The following HDAC4 variants were observed in gnomAD, a reference collection of about 807,000 sequenced individuals.
HDAC4 encodes the protein histone deacetylase 4.
Under a neutral mutation model 135.1 loss-of-function variants are expected in HDAC4, and 16 were observed. The observed-to-expected ratio is 0.12, with a 90% CI of 0.08 to 0.18. The LOEUF (loss-of-function observed/expected upper bound fraction) is 0.18, where lower values mean the gene tolerates loss of function less well. Among genes scored for constraint, HDAC4 ranks in the 10% least tolerant of loss-of-function variants. The probability of loss-of-function intolerance (pLI) is 1.00; values close to 1 mark genes in which losing one functional copy is unlikely to be tolerated. For synonymous variants in HDAC4, 685 were observed against 653.4 expected (o/e 1.05, Z -0.74); for missense variants, 1,143 against 1,511.8 (o/e 0.76, Z 4.05).
intron 3 of HDAC4, among the ~76,000 whole-genome samples, chr2:239,227,665 G>T (rs947005721): frequency 6.6e-6 from 1 of 152,330 alleles, no homozygotes; most frequent in African/African-American, 2.4e-5. Context: ...GGCAGCCCTG[G>T]AGTTCCAGGA....
chr2:239,234,096 T>A (rs1435760925), intron 3 of HDAC4, among the ~76,000 whole-genome samples: 1 of 152,186 alleles, frequency 6.6e-6, no homozygotes, highest in Non-Finnish European at 1.5e-5. Flanking sequence ...TGGGTTGAAA[T>A]GACCAAAATG....
intron 4 of HDAC4, among the ~76,000 whole-genome samples, chr2:239,184,069 T>TTA (rs2044328931): frequency 1.4e-5 from 1 of 71,384 alleles, no homozygotes; most frequent in South Asian, 7.1e-4. Flanking sequence ...CTTGCTAGTG[T>TTA]AAAAAAAAAA....
chr2:239,366,692 T>C lies in HDAC4; in HGVS notation c.-219-13774A>G, dbSNP rs546198321. 2.4e-4 allele frequency among the ~76,000 whole-genome samples: 37 copies of C among 152,060 alleles called. 1 individual carries two copies. Among genetic ancestry groups the C allele is most frequent in the African/African-American group, 8.4e-4 (35 of 41,476 alleles). On this transcript the variant is annotated intron_variant, in intron 1 of 26. Transcript: ENST00000543185. ...GAAGGCCCAAGGATTTGACTTACGG[T>C]GTGAAACGCTGGGCTCAATGGATCA...
intron 17 of HDAC4, among the ~76,000 whole-genome samples, chr2:239,090,498 T>G (rs2036409570): frequency 6.6e-6 from 1 of 150,632 alleles, no homozygotes; most frequent in African/African-American, 2.4e-5. Context: ...GTATCTCTGA[T>G]CTGAGAATCT....
intron 3 of HDAC4, among the ~76,000 whole-genome samples, chr2:239,228,669 G>C (rs1013643738): frequency 1.3e-5 from 2 of 152,156 alleles, no homozygotes; most frequent in African/African-American, 4.8e-5. Flanking sequence ...GACTGGAGAA[G>C]GGGGCATGGG....
intron 24 of HDAC4, among the ~76,000 whole-genome samples, chr2:239,061,086 G>A (rs2032628223): frequency 6.6e-6 from 1 of 152,260 alleles, no homozygotes; most frequent in Non-Finnish European, 1.5e-5. Context: ...GCCACAATCG[G>A]CTGCATGCAG....
chr2:239,377,028 G>A (rs1240954072), intron 1 of HDAC4, among the ~76,000 whole-genome samples: 1 of 152,120 alleles, frequency 6.6e-6, no homozygotes, highest in Non-Finnish European at 1.5e-5. Context: ...GCCAGACACG[G>A]TCACTTGGAA....
At chr2:239,241,506 G>A (rs1038604751) in intron 2 of HDAC4, among the ~76,000 whole-genome samples, 1 of 152,128 alleles carries the variant, frequency 6.6e-6, no homozygotes, top group African/African-American at 2.4e-5. Flanking sequence ...TGATTCAGAG[G>A]AATTCTTTAC....
intron 1 of HDAC4, among the ~76,000 whole-genome samples, chr2:239,394,488 C>A (rs899193625): frequency 6.6e-6 from 1 of 152,254 alleles, no homozygotes; most frequent in Non-Finnish European, 1.5e-5. Flanking sequence ...GCTGCACACA[C>A]CTGCCTTGGC....
chr2:239,222,654 T>C (rs1431196929), intron 3 of HDAC4, among the ~76,000 whole-genome samples: 2 of 152,098 alleles, frequency 1.3e-5, no homozygotes, highest in African/African-American at 4.8e-5. Flanking sequence ...GAGATGCTGC[T>C]ACAATCACGT....
At chr2:239,360,154 T>C (rs905808866) in intron 1 of HDAC4, among the ~76,000 whole-genome samples, 2 of 152,186 alleles carry the variant, frequency 1.3e-5, no homozygotes, top group African/African-American at 2.4e-5. Flanking sequence ...CCTGATGGCC[T>C]GCGCTGAGCC....
intron 2 of HDAC4, among the ~76,000 whole-genome samples, chr2:239,333,184 A>G (rs1691701907): frequency 1.3e-5 from 2 of 152,234 alleles, no homozygotes; most frequent in Admixed American, 6.5e-5. Context: ...TCAGCAAACT[A>G]TGGCCCATGG....
At chr2:239,394,050 C>T (rs1240173254) in intron 1 of HDAC4, among the ~76,000 whole-genome samples, 5 of 143,556 alleles carry the variant, frequency 3.5e-5, no homozygotes, top group African/African-American at 7.6e-5. Context: ...AAAAAAGAAC[C>T]GCTCCAGCAA....
At chr2:239,058,378 T>A (rs1257808979) in intron 24 of HDAC4, among the ~76,000 whole-genome samples, 1 of 152,116 alleles carries the variant, frequency 6.6e-6, no homozygotes, top group Admixed American at 6.5e-5. Flanking sequence ...TAAGAAGGCA[T>A]CTGAAAAAAG....
intron 16 of HDAC4, among the ~76,000 whole-genome samples, chr2:239,100,830 C>T (rs1050595527): frequency 6.6e-6 from 1 of 152,118 alleles, no homozygotes; most frequent in African/African-American, 2.4e-5. Context: ...CATCCATGCC[C>T]TCATCTAGAG....
chr2:239,282,234 C>A (rs565813223), intron 2 of HDAC4, among the ~76,000 whole-genome samples: 1 of 130,186 alleles, frequency 7.7e-6, no homozygotes, highest in Admixed American at 7.3e-5. Flanking sequence ...AATGTACACA[C>A]CACTCTACAA....
rs1056636640 is a variant in HDAC4 at position 239,052,841 on chromosome 2, G to C, written c.*256C>G. On this transcript the variant is annotated 3_prime_UTR_variant, in exon 27 of 27. Transcript: ENST00000543185. ...ACCCGCCAGAGTGTGCTTGGCTTCC[G>C]CGTGTCCGTGTGTCTGCGCGTCGCC... The C allele has an allele frequency of 1.3e-5, 7 of 542,338 alleles. No individual in the cohort carries two copies. The highest frequency in any genetic ancestry group is 2.3e-5 in the Non-Finnish European group (7 of 301,228). 33.6% of individuals were successfully genotyped at this position (542,338 alleles called of 1,614,324 possible). A position where few individuals can be genotyped will look rare whatever the true frequency, so the allele number is the denominator to read the frequency against.
At chr2:239,073,965 A>AG (rs1273879982) in intron 22 of HDAC4, among the ~76,000 whole-genome samples, 1 of 150,194 alleles carries the variant, frequency 6.7e-6, no homozygotes, top group African/African-American at 2.5e-5. Context: ...AGCAGGACTG[A>AG]GGGGGGCCGC....
In HDAC4 at chr2:239,169,697, C is replaced by G. The variant is rs540448729; in HGVS notation, c.491-5774G>C. 5.3e-5 allele frequency among the ~76,000 whole-genome samples: 8 copies of G among 152,356 alleles called. No homozygotes were observed. In the South Asian group the frequency reaches 1.7e-3, roughly 32 times the overall value. On this transcript the variant is annotated intron_variant, in intron 5 of 26. Transcript: ENST00000543185. ...CAGAGACCCACAGCACAGCCGTCCA[C>G]TACCGAGAGGGCCCGGATCTGCATG...
Sources: gnomAD v4.1 joint callset for allele counts (sites outside exome capture counted in the v4.1 genomes callset) on GRCh38, gnomAD v4.1.1 for gene constraint, MANE v1.5 for transcripts, NCBI Gene and HGNC (gene_info 2026-07-23, HGNC 2026-07-21) for gene names.